Variants in OR2H1 observed in about 807,000 individuals in gnomAD.
OR2H1 encodes olfactory receptor 2H1.
For synonymous variants in OR2H1, 155 were observed against 155.2 expected, an observed-to-expected ratio of 1.00 and a Z score of 0.01; for missense variants, 380 against 367.3, an observed-to-expected ratio of 1.03 and a Z score of -0.28.
Position 29,462,599 on chromosome 6 carries a change from C to G in OR2H1, c.830C>G (p.Ala277Gly), listed in dbSNP as rs977132598. The G allele has an allele frequency of 6.2e-7, 1 of 1,613,038 alleles. No homozygotes were observed. The highest frequency in any genetic ancestry group is 2.2e-5 in the East Asian group (1 of 44,874). Reference protein sequence around the residue: ...GRGKFFGLFYAVGTPSLNPLV... With the variant: ...GRGKFFGLFYGVGTPSLNPLV... ...GGCAAGTTCTTTGGTCTCTTCTATG[C>G]AGTGGGCACTCCTTCACTTAACCCT... The change falls in exon 4 of 4, where the codon GCA becomes GGA. Residue 277 changes from alanine (A) to glycine (G), a missense_variant. Ala to Gly is a moderately conservative substitution (Grantham distance 60). Transcript: ENST00000377133.
Position 29,462,208 on chromosome 6 carries a change from T to C in OR2H1, c.439T>C (p.Trp147Arg), listed in dbSNP as rs138649397. 6.2e-7 allele frequency: 1 copy of C among 1,613,562 alleles called. No individual in the cohort carries two copies. The highest frequency in any genetic ancestry group is 8.5e-7 in the Non-Finnish European group (1 of 1,180,016). The change falls in exon 4 of 4, where the codon TGG (tryptophan) becomes CGG (arginine). Residue 147 changes from tryptophan to arginine, a missense_variant. Trp to Arg is a moderately radical substitution (Grantham distance 101). Transcript: ENST00000377133. ...GTGCTGGCAGCTGGCATCTGTGGCC[T>C]GGGTTATGAGTCTGGTTCAATCGAT... The part of the protein sequence containing the change: ...RLCWQLASVA[W>R]VMSLVQSIVQ...
chr6:29,461,928 C>G lies in OR2H1; in HGVS notation c.159C>G (p.Leu53=), dbSNP rs2151429446. 1 of 1,613,078 alleles carries G rather than the reference C, an allele frequency of 6.2e-7. No individual in the cohort carries two copies. The highest frequency in any genetic ancestry group is 1.1e-5 in the South Asian group (1 of 91,076). The stretch of plus-strand genomic sequence containing the variant: ...TGCTGTCTGTACTGTACCCCAGGCT[C>G]CACTCTCCAATGTACTTTTTCCTCT... ...IILLSVLYPR[L]HSPMYFFLSD... Residue 53 remains leucine, a synonymous_variant, in exon 4 of 4, where the codon CTC becomes CTG. Coordinates refer to ENST00000377133, the MANE Select transcript of OR2H1 (RefSeq NM_030883.5).
In OR2H1 at chr6:29,459,235, G is replaced by A. The variant is rs144364466; in HGVS notation, c.-327+666G>A. Among the ~76,000 whole-genome samples the A allele has an allele frequency of 6.6e-3, 1,003 of 152,196 alleles. 9 individuals are homozygous for A. The highest frequency in any genetic ancestry group is 0.01 in the Middle Eastern group (3 of 294). On this transcript the variant is annotated intron_variant, in intron 2 of 3. Coordinates refer to ENST00000377133, the MANE Select transcript of OR2H1 (RefSeq NM_030883.5). ...GAGGCTGCAAAGTTTAAAAAGGAAC[G>A]ATACATTTAAAATAATCAGAATAGT...
Position 29,458,580 on chromosome 6 carries a change from A to G in OR2H1, c.-327+11A>G, listed in dbSNP as rs372653966. 18 of 152,334 alleles carry G rather than the reference A, an allele frequency of 1.2e-4. 1 individual carries two copies. Among genetic ancestry groups the G allele is most frequent in the African/African-American group, 4.1e-4 (17 of 41,574 alleles). The allele number at this position is 152,334 out of a possible 1,614,324, so 9.4% of individuals were successfully genotyped here. ...CTGACTTAATTGCAAGTAAGTCACAAGTTTATTCCCCTACAGCCCATCAAT... is the reference window on the plus strand; with the variant it reads ...CTGACTTAATTGCAAGTAAGTCACAGGTTTATTCCCCTACAGCCCATCAAT... On this transcript the variant is annotated intron_variant, in intron 2 of 3. Transcript: ENST00000377133.
chr6:29,458,092 A>T (rs932760573), intron 1 of OR2H1, among the ~76,000 whole-genome samples: 2 of 152,056 alleles, frequency 1.3e-5, no homozygotes, highest in African/African-American at 4.8e-5. Context: ...AACTTACTGG[A>T]TTGAGGAAAA....
In OR2H1 at chr6:29,462,668, G is replaced by A. The variant is rs530184651; in HGVS notation, c.899G>A (p.Arg300Lys). The change falls in exon 4 of 4, where the codon AGG becomes AAG. Residue 300 changes from arginine (R) to lysine (K), a missense_variant. Arg to Lys is a conservative substitution (Grantham distance 26, BLOSUM62 2). Transcript: ENST00000377133. ...LRNKEIKRAL[R>K]RLLGKERDSR... is the part of the protein sequence containing the mutation. ...AACAAGGAGATAAAGCGAGCACTCA[G>A]GAGGTTACTAGGGAAGGAAAGAGAC... 11 of 1,613,040 alleles carry A rather than the reference G, an allele frequency of 6.8e-6. 1 individual carries two copies. Among genetic ancestry groups the A allele is most frequent in the East Asian group, 6.7e-5 (3 of 44,884 alleles).
rs753680027 is a variant in OR2H1 at position 29,462,132 on chromosome 6, C to G, written c.363C>G (p.Tyr121Ter). 1.9e-6 allele frequency: 3 copies of G among 1,613,482 alleles called. No homozygotes were observed. The highest frequency in any genetic ancestry group is 2.7e-5 in the African/African-American group (2 of 74,868). Residue 121 changes from tyrosine (Y) to a stop codon, truncating the protein, a stop_gained, in exon 4 of 4, where the codon TAC becomes TAG. Coordinates refer to ENST00000377133, the MANE Select transcript of OR2H1 (RefSeq NM_030883.5). LOFTEE classifies it low-confidence loss of function (END_TRUNC). The stretch of plus-strand genomic sequence containing the variant: ...TGACAGTGATGGCCTTTGACCGATA[C>G]GTGGCTGTCTGCCAGCCCCTCCACT... ...ILLTVMAFDRYVAVCQPLHYA... is the reference protein window; with the variant it reads ...ILLTVMAFDR
rs1408947575 is a variant in OR2H1 at position 29,463,046 on chromosome 6, A to G, written c.*326A>G. The stretch of plus-strand genomic sequence containing the variant: ...CTCCACCATGCCTATTTCTGGTTAT[A>G]TAATTGCTCTCCAATTGTCATGTCA... On this transcript the variant is annotated 3_prime_UTR_variant, in exon 4 of 4. Coordinates refer to ENST00000377133, the MANE Select transcript of OR2H1 (RefSeq NM_030883.5). The G allele has an allele frequency of 5.5e-6, 2 of 364,958 alleles. No homozygotes were observed. Among genetic ancestry groups the G allele is most frequent in the Non-Finnish European group, 1.0e-5 (2 of 193,904 alleles). The allele number at this position is 364,958 out of a possible 1,614,324, so 22.6% of individuals were successfully genotyped here. A position where few individuals can be genotyped will look rare whatever the true frequency, so the allele number is the denominator to read the frequency against.
chr6:29,460,369 CT>C (rs1304167843), intron 2 of OR2H1, 34 bp from the exon 3 acceptor site: 3 of 130,796 alleles, frequency 2.3e-5, no homozygotes, highest in African/African-American at 9.3e-5. Flanking sequence ...CCACACCCCG[CT>C]AATTTTTTTT....
In OR2H1 at chr6:29,461,930, A is replaced by T; in HGVS notation, c.161A>T (p.His54Leu). 6.2e-7 allele frequency: 1 copy of T among 1,612,350 alleles called. No individual in the cohort carries two copies. Among genetic ancestry groups the T allele is most frequent in the Non-Finnish European group, 8.5e-7 (1 of 1,179,818 alleles). Residue 54 changes from histidine to leucine, a missense_variant, in exon 4 of 4, where the codon CAC becomes CTC. His to Leu is a moderately conservative substitution (Grantham distance 99). Coordinates refer to ENST00000377133, the MANE Select transcript of OR2H1 (RefSeq NM_030883.5). The stretch of plus-strand genomic sequence containing the variant: ...CTGTCTGTACTGTACCCCAGGCTCC[A>T]CTCTCCAATGTACTTTTTCCTCTCT... ...ILLSVLYPRL[H>L]SPMYFFLSDL... is the part of the protein sequence containing the mutation.
rs751999674 is a variant in OR2H1 at position 29,462,769 on chromosome 6, A to G, written c.*49A>G. Reference sequence around the variant, plus strand: ...TTTCTTCAAGATTTATGAACATGTTAAGTTTTCCAGACTACTACCCTTCCC... The same window carrying G: ...TTTCTTCAAGATTTATGAACATGTTGAGTTTTCCAGACTACTACCCTTCCC... On this transcript the variant is annotated 3_prime_UTR_variant, in exon 4 of 4. Transcript: ENST00000377133. 16 of 1,430,184 alleles carry G rather than the reference A, an allele frequency of 1.1e-5. No homozygotes were observed. The African/African-American group carries it at 2.3e-4, about 20-fold the overall frequency. The allele number at this position is 1,430,184 out of a possible 1,614,324, so 88.6% of individuals were successfully genotyped here. A position where few individuals can be genotyped will look rare whatever the true frequency, so the allele number is the denominator to read the frequency against.
Position 29,462,840 on chromosome 6 carries a change from T to A in OR2H1, c.*120T>A. The A allele has an allele frequency of 1.5e-6, 1 of 686,742 alleles. No individual in the cohort carries two copies. The highest frequency in any genetic ancestry group is 2.5e-6 in the Non-Finnish European group (1 of 402,482). The allele number at this position is 686,742 out of a possible 1,614,324, so 42.5% of individuals were successfully genotyped here. On this transcript the variant is annotated 3_prime_UTR_variant, in exon 4 of 4. Transcript: ENST00000377133. ...GGTGGGTCACAGTGTGGCTATGTTA[T>A]CTATGAGAGGGAGAATGAGAAAGAG...
At position 29,462,151 on chromosome 6, in the gene OR2H1, C is replaced by T. The variant is rs778974594; in HGVS notation, c.382C>T (p.Leu128Phe). Residue 128 changes from leucine to phenylalanine, a missense_variant, in exon 4 of 4, where the codon CTC (leucine) becomes TTC (phenylalanine). Leu to Phe is a conservative substitution (Grantham distance 22, BLOSUM62 0). Transcript: ENST00000377133. ...FDRYVAVCQP[L>F]HYATIIHPRL... ...CCGATACGTGGCTGTCTGCCAGCCC[C>T]TCCACTATGCCACCATCATCCACCC... 1.2e-6 allele frequency: 2 copies of T among 1,613,718 alleles called. No individual in the cohort carries two copies. The highest frequency in any genetic ancestry group is 4.5e-5 in the East Asian group (2 of 44,882).
At position 29,461,876 on chromosome 6, in the gene OR2H1, C is replaced by G; in HGVS notation, c.107C>G (p.Thr36Ser). 2 of 1,613,042 alleles carry G rather than the reference C, an allele frequency of 1.2e-6. No homozygotes were observed. Among genetic ancestry groups the G allele is most frequent in the Non-Finnish European group, 1.7e-6 (2 of 1,179,998 alleles). The change falls in exon 4 of 4, where the codon ACC (threonine) becomes AGC (serine). Residue 36 changes from threonine to serine, a missense_variant. Physicochemically the swap from Thr to Ser is moderately conservative, Grantham distance 58 (BLOSUM62 1). Coordinates refer to ENST00000377133, the MANE Select transcript of OR2H1 (RefSeq NM_030883.5). ...FVVVFTSYLL[T>S]LVGNTLIILL... ...GTTGTCTTCACTTCCTACCTCTTGA[C>G]CCTGGTGGGCAACACACTCATCATC...
chr6:29,462,411 C>A lies in OR2H1; in HGVS notation c.642C>A (p.Ala214=). The A allele has an allele frequency of 6.2e-7, 1 of 1,613,116 alleles. No individual in the cohort carries two copies. The highest frequency in any genetic ancestry group is 1.1e-5 in the South Asian group (1 of 91,084). ...FVVVPLSLIL[A]SYGATAQAVL... ...TTGTGCCTCTCAGCCTCATCCTTGC[C>A]TCTTATGGAGCCACTGCCCAGGCAG... is the stretch of plus-strand genomic sequence containing the variant. The change falls in exon 4 of 4, where the codon GCC becomes GCA. Residue 214 remains alanine, a synonymous_variant. Transcript: ENST00000377133.
chr6:29,461,852 T>A lies in OR2H1; in HGVS notation c.83T>A (p.Val28Asp). ...HPALERTLFV[V>D]VFTSYLLTLV... ...GCACTGGAAAGGACTCTCTTTGTGG[T>A]TGTCTTCACTTCCTACCTCTTGACC... Residue 28 changes from valine (V) to aspartate (D), a missense_variant, in exon 4 of 4, where the codon GTT (valine) becomes GAT (aspartate). Transcript: ENST00000377133. 1 of 1,613,082 alleles carries A rather than the reference T, an allele frequency of 6.2e-7. No homozygotes were observed. Among genetic ancestry groups the A allele is most frequent in the Non-Finnish European group, 8.5e-7 (1 of 1,180,024 alleles).
At chr6:29,457,734 G>T (rs1054853420) in intron 1 of OR2H1, among the ~76,000 whole-genome samples, 1 of 152,214 alleles carries the variant, frequency 6.6e-6, no homozygotes, top group Non-Finnish European at 1.5e-5. Flanking sequence ...AGGGGGGATT[G>T]AATGAGCACA....
rs1787592390 is a variant in OR2H1 at position 29,463,643 on chromosome 6, T to C, written c.*923T>C. On this transcript the variant is annotated 3_prime_UTR_variant, in exon 4 of 4. Transcript: ENST00000377133. ...CTTGACAGTCATCACCGTCACTCTA[T>C]CTTCATTTCTGGTTCTTACCGTGTT... 1 of 167,126 alleles carries C rather than the reference T, an allele frequency of 6.0e-6. No homozygotes were observed. The highest frequency in any genetic ancestry group is 1.5e-5 in the Non-Finnish European group (1 of 68,120). 10.4% of individuals were successfully genotyped at this position (167,126 alleles called of 1,614,324 possible).
At chr6:29,461,007 A>G (rs1787184829) in intron 3 of OR2H1, 1 of 152,088 alleles carries the variant, frequency 6.6e-6, no homozygotes, top group African/African-American at 2.4e-5. Context: ...GAACAAGACA[A>G]TTGGCAGCAT....
Sources: gnomAD v4.1 joint callset for allele counts (sites outside exome capture counted in the v4.1 genomes callset) on GRCh38, gnomAD v4.1.1 for gene constraint, MANE v1.5 for transcripts, NCBI Gene and HGNC (gene_info 2026-07-23, HGNC 2026-07-21) for gene names.